The following PRIM2 variants were observed in gnomAD, a reference collection of about 807,000 sequenced individuals.
The protein encoded by PRIM2 is DNA primase large subunit.
Under a neutral mutation model 67.3 loss-of-function variants are expected in PRIM2, and 39 were observed. The observed-to-expected ratio is 0.58, with a 90% CI of 0.45 to 0.76. The LOEUF (loss-of-function observed/expected upper bound fraction) is 0.76, where lower values mean the gene tolerates loss of function less well. PRIM2 is among the 30% of genes least tolerant of loss of function. The pLI, the probability that PRIM2 is intolerant of heterozygous loss-of-function variation, is 0.00. For missense variants in PRIM2, 398 were observed against 598.7 expected (o/e 0.66, Z 3.50); for synonymous variants, 143 against 198.7 (o/e 0.72, Z 2.36).
rs535234198 is a variant in PRIM2 at position 57,383,454 on chromosome 6, A to G, written c.693+1286A>G. ...AGAAAACTTCTGGCATGTTAATGCT[A>G]CTATTAATCTGATCATAGTCATTTC... On this transcript the variant is annotated intron_variant, in intron 7 of 13. Coordinates refer to ENST00000615550, the MANE Select transcript of PRIM2 (RefSeq NM_000947.5). 8.5e-5 allele frequency: 13 copies of G among 152,136 alleles called. No homozygotes were observed. The South Asian group carries it at 2.7e-3, about 32-fold the overall frequency. The allele number at this position is 152,136 out of a possible 1,614,324, so 9.4% of individuals were successfully genotyped here. A position where few individuals can be genotyped will look rare whatever the true frequency, so the allele number is the denominator to read the frequency against.
At chr6:57,246,857 C>CTTT in the PRIM2 span, among the ~76,000 whole-genome samples, 2 of 140,336 alleles carry the variant, frequency 1.4e-5, no homozygotes, top group African/African-American at 2.7e-5. Flanking sequence ...GACTTAATTT[C>CTTT]TTTTTTTTTT....
At chr6:57,421,403 TG>T (rs1426761301) in intron 7 of PRIM2, among the ~76,000 whole-genome samples, 1 of 152,228 alleles carries the variant, frequency 6.6e-6, no homozygotes, top group East Asian at 1.9e-4. Flanking sequence ...GTAATGGCAC[TG>T]ATATATCAAA....
the PRIM2 span, among the ~76,000 whole-genome samples, chr6:57,248,508 A>AGG: frequency 6.6e-6 from 1 of 152,198 alleles, no homozygotes; most frequent in Admixed American, 6.5e-5. Context: ...TACACTCTAA[A>AGG]GGGTGGGAGT....
chr6:57,606,532 T>G, intron 12 of PRIM2, 75 bp downstream of exon 12: 1 of 1,164,580 alleles, frequency 8.6e-7, no homozygotes, highest in Non-Finnish European at 1.3e-6. Flanking sequence ...TTAATGTTCT[T>G]GCAGTGATGC....
At chr6:57,619,049 G>A (rs1776805186) in intron 12 of PRIM2, among the ~76,000 whole-genome samples, 1 of 152,194 alleles carries the variant, frequency 6.6e-6, no homozygotes, top group African/African-American at 2.4e-5. Flanking sequence ...CAATGGAACA[G>A]GCGCTGGTAT....
At chr6:57,270,462 T>C in the PRIM2 span, among the ~76,000 whole-genome samples, 1 of 152,212 alleles carries the variant, frequency 6.6e-6, no homozygotes, top group South Asian at 2.1e-4. Flanking sequence ...GCTTGTGATT[T>C]TTGTACATTG....
At chr6:57,374,699 TC>T (rs2127326942) in intron 5 of PRIM2, among the ~76,000 whole-genome samples, 1 of 152,092 alleles carries the variant, frequency 6.6e-6, no homozygotes, top group East Asian at 1.9e-4. Flanking sequence ...CAAGTGATCT[TC>T]CTGCCTCAGC....
intron 10 of PRIM2, among the ~76,000 whole-genome samples, chr6:57,578,016 A>G (rs1289327170): frequency 1.6e-4 from 24 of 152,178 alleles, no homozygotes; most frequent in African/African-American, 5.8e-4. Flanking sequence ...GTCTGTGACA[A>G]TTTCTCAGTC....
chr6:57,563,030 A>G (rs1213987423), intron 10 of PRIM2, among the ~76,000 whole-genome samples: 3 of 152,146 alleles, frequency 2.0e-5, no homozygotes, highest in African/African-American at 7.2e-5. Context: ...AGGGGGATTT[A>G]AAATTTCTTC....
chr6:57,629,343 T>G (rs1311495342), intron 12 of PRIM2, among the ~76,000 whole-genome samples: 1 of 152,202 alleles, frequency 6.6e-6, no homozygotes, highest in Non-Finnish European at 1.5e-5. Flanking sequence ...TATTGTTTAG[T>G]GGCTACTGCG....
intron 7 of PRIM2, among the ~76,000 whole-genome samples, chr6:57,441,776 A>T (rs1351546282): frequency 6.6e-6 from 1 of 152,172 alleles, no homozygotes; most frequent in Non-Finnish European, 1.5e-5. Context: ...ATTCCACCAG[A>T]CAGAAATTAT....
chr6:57,295,570 G>C, the PRIM2 span, among the ~76,000 whole-genome samples: 7 of 152,138 alleles, frequency 4.6e-5, no homozygotes, highest in Non-Finnish European at 7.4e-5. Context: ...TTTTAGCTTT[G>C]TTCTTAAAAA....
chr6:57,339,692 T>C (rs992185577), intron 5 of PRIM2, among the ~76,000 whole-genome samples: 6 of 152,144 alleles, frequency 3.9e-5, no homozygotes, highest in African/African-American at 1.4e-4. Flanking sequence ...TTACACCTTA[T>C]ACAAAAATCA....
At chr6:57,420,504 A>G (rs1227741152) in intron 7 of PRIM2, among the ~76,000 whole-genome samples, 1 of 152,056 alleles carries the variant, frequency 6.6e-6, no homozygotes, top group Non-Finnish European at 1.5e-5. Flanking sequence ...CTCCATCTCA[A>G]AAAAAAAGAA....
At chr6:57,545,773 A>C (rs1349713996) in intron 10 of PRIM2, among the ~76,000 whole-genome samples, 3 of 152,168 alleles carry the variant, frequency 2.0e-5, no homozygotes, top group Non-Finnish European at 4.4e-5. Context: ...CAAGAGATTT[A>C]TTTGGAAAAA....
chr6:57,336,757 G>A (rs1464780531), intron 5 of PRIM2, among the ~76,000 whole-genome samples: 2 of 152,150 alleles, frequency 1.3e-5, no homozygotes, highest in Non-Finnish European at 2.9e-5. Flanking sequence ...GCAAAATCAT[G>A]CCAAAACGTA....
chr6:57,636,570 T>C (rs1777126260), intron 13 of PRIM2, among the ~76,000 whole-genome samples: 1 of 152,200 alleles, frequency 6.6e-6, no homozygotes, highest in African/African-American at 2.4e-5. Flanking sequence ...TAATTTCATT[T>C]TGCTATCAAG....
chr6:57,274,343 C>T, the PRIM2 span, among the ~76,000 whole-genome samples: 10 of 152,258 alleles, frequency 6.6e-5, no homozygotes, highest in Non-Finnish European at 1.2e-4. Flanking sequence ...GCCCCTCCCC[C>T]AGCCTCCCTG....
intron 7 of PRIM2, among the ~76,000 whole-genome samples, chr6:57,407,926 C>T (rs1167132705): frequency 6.6e-6 from 1 of 152,170 alleles, no homozygotes; most frequent in Non-Finnish European, 1.5e-5. Context: ...TGGTTATTTG[C>T]ATGAATTTTG....
Sources: allele counts gnomAD v4.1 joint callset (sites outside exome capture counted in the v4.1 genomes callset), GRCh38; gene constraint gnomAD v4.1.1; transcripts MANE v1.5; gene names NCBI Gene and HGNC (gene_info 2026-07-23, HGNC 2026-07-21).